The following NPY2R variants were observed in gnomAD, a reference collection of about 807,000 sequenced individuals.
The protein encoded by NPY2R is neuropeptide Y receptor type 2.
A neutral mutation model predicts 22.3 loss-of-function variants in NPY2R; 17 were observed. The ratio of observed to expected loss-of-function variants is 0.76; its 90% CI spans 0.52 to 1.14. The LOEUF is 1.14. Ranked by LOEUF, NPY2R falls within the 50% of genes most tolerant of loss-of-function variation. The probability of loss-of-function intolerance (pLI) is 0.00; values close to 1 mark genes in which losing one functional copy is unlikely to be tolerated. For missense variants in NPY2R, 424 were observed against 467.9 expected, an observed-to-expected ratio of 0.91 and a Z score of 0.87; for synonymous variants, 209 against 183.4, an observed-to-expected ratio of 1.14 and a Z score of -1.13.
rs761089632 is a variant in NPY2R, at chr4:155,214,843, G to C, written c.904G>C (p.Glu302Gln). Residue 302 changes from glutamate (E) to glutamine (Q), a missense_variant, in exon 2 of 2, where the codon GAG becomes CAG. By Grantham distance (29) the Glu-to-Gln change is conservative (BLOSUM62 2). Coordinates refer to ENST00000329476, the MANE Select transcript of NPY2R (RefSeq NM_000910.4). ...DIDSQVLDLK[E>Q]YKLIFTVFHI... ...TGACAGCCAGGTCCTGGACCTGAAG[G>C]AGTACAAACTCATCTTCACAGTGTT... is the stretch of plus-strand genomic sequence containing the variant. 37 of 1,609,908 alleles carry C rather than the reference G, an allele frequency of 2.3e-5. No homozygotes were observed. The highest frequency in any genetic ancestry group is 3.1e-5 in the Non-Finnish European group (37 of 1,177,468).
the NPY2R span, among the ~76,000 whole-genome samples, chr4:155,201,248 T>C: frequency 2.0e-5 from 3 of 152,102 alleles, no homozygotes; most frequent in South Asian, 2.1e-4. Context: ...AGAGATGTTC[T>C]GGGCCTTGAG....
chr4:155,197,004 T>C, the NPY2R span, among the ~76,000 whole-genome samples: 4 of 151,980 alleles, frequency 2.6e-5, no homozygotes, highest in African/African-American at 9.7e-5. Context: ...AAAGAAATTT[T>C]ACATAATATA....
chr4:155,194,038 G>T, the NPY2R span, among the ~76,000 whole-genome samples: 77 of 152,006 alleles, frequency 5.1e-4, 1 homozygote, highest in East Asian at 0.014. Flanking sequence ...TGCTTAGCAT[G>T]TTAATGGACT....
the NPY2R span, among the ~76,000 whole-genome samples, chr4:155,176,628 T>A: frequency 6.6e-6 from 1 of 152,152 alleles, no homozygotes; most frequent in African/African-American, 2.4e-5. Context: ...CCACAGATCT[T>A]TAACATTTAC....
chr4:155,197,615 A>G, the NPY2R span, among the ~76,000 whole-genome samples: 1 of 152,004 alleles, frequency 6.6e-6, no homozygotes, highest in Non-Finnish European at 1.5e-5. Context: ...AACCCTCTCT[A>G]TAAGTGAAAA....
the NPY2R span, among the ~76,000 whole-genome samples, chr4:155,177,456 C>T: frequency 1.3e-5 from 2 of 152,002 alleles, no homozygotes; most frequent in Non-Finnish European, 2.9e-5. Context: ...TCTTTGACTC[C>T]ATGTCGAACC....
At chr4:155,203,263 T>A in the NPY2R span, among the ~76,000 whole-genome samples, 1 of 152,172 alleles carries the variant, frequency 6.6e-6, no homozygotes. Flanking sequence ...CTTGCTTTTC[T>A]TGAATAAGAC....
At chr4:155,211,293 A>G (rs1261769047) in intron 1 of NPY2R, among the ~76,000 whole-genome samples, 1 of 152,204 alleles carries the variant, frequency 6.6e-6, no homozygotes, top group Non-Finnish European at 1.5e-5. Context: ...AACAGTCACA[A>G]CGTGGCATGT....
chr4:155,209,591 G>T (rs1000805817), intron 1 of NPY2R, among the ~76,000 whole-genome samples: 32 of 152,134 alleles, frequency 2.1e-4, no homozygotes, highest in African/African-American at 5.6e-4. Context: ...CCAAAGAAAG[G>T]CTTCCCACAC....
At chr4:155,177,153 C>A in the NPY2R span, among the ~76,000 whole-genome samples, 1 of 152,196 alleles carries the variant, frequency 6.6e-6, no homozygotes, top group Admixed American at 6.5e-5. Context: ...AATGTTAATT[C>A]ATTCCATCTT....
intron 1 of NPY2R, among the ~76,000 whole-genome samples, chr4:155,211,354 C>T (rs1273162522): frequency 6.6e-6 from 1 of 152,102 alleles, no homozygotes; most frequent in Non-Finnish European, 1.5e-5. Context: ...AACTGAGAGG[C>T]TTCCCAGTTT....
At chr4:155,201,496 C>T in the NPY2R span, among the ~76,000 whole-genome samples, 5 of 152,172 alleles carry the variant, frequency 3.3e-5, no homozygotes, top group Middle Eastern at 6.8e-3. Flanking sequence ...AGAGATGAAC[C>T]GCCTAACTGG....
chr4:155,193,320 G>A, the NPY2R span, among the ~76,000 whole-genome samples: 1 of 151,904 alleles, frequency 6.6e-6, no homozygotes, highest in African/African-American at 2.4e-5. Flanking sequence ...AATGGCTAAT[G>A]GGTGGCATAA....
the NPY2R span, among the ~76,000 whole-genome samples, chr4:155,182,607 A>T: frequency 1.3e-5 from 2 of 152,122 alleles, no homozygotes; most frequent in Non-Finnish European, 2.9e-5. Context: ...ATCACAATGA[A>T]GTTCTCTTGG....
At chr4:155,177,633 A>C in the NPY2R span, among the ~76,000 whole-genome samples, 10 of 151,908 alleles carry the variant, frequency 6.6e-5, no homozygotes, top group Admixed American at 6.6e-5. Flanking sequence ...ATATTGCCCC[A>C]GTGGGGTGTC....
the NPY2R span, among the ~76,000 whole-genome samples, chr4:155,184,075 C>G: frequency 6.6e-6 from 1 of 152,174 alleles, no homozygotes; most frequent in East Asian, 1.9e-4. Context: ...TAATACCTCT[C>G]CTTTACTCTT....
chr4:155,180,685 T>C, the NPY2R span, among the ~76,000 whole-genome samples: 1 of 152,108 alleles, frequency 6.6e-6, no homozygotes, highest in African/African-American at 2.4e-5. Context: ...TTGATGACTA[T>C]TTTTTCTTTG....
chr4:155,182,840 TG>T, the NPY2R span, among the ~76,000 whole-genome samples: 1 of 152,112 alleles, frequency 6.6e-6, no homozygotes, highest in Non-Finnish European at 1.5e-5. Flanking sequence ...TCACCCAGGC[TG>T]GAGTGCAGTG....
the NPY2R span, among the ~76,000 whole-genome samples, chr4:155,193,411 G>A: frequency 6.6e-6 from 1 of 151,882 alleles, no homozygotes; most frequent in African/African-American, 2.4e-5. Flanking sequence ...TGTTAGATGT[G>A]TGAGCCATTA....
Sources: allele counts gnomAD v4.1 joint callset (sites outside exome capture counted in the v4.1 genomes callset), GRCh38; gene constraint gnomAD v4.1.1; transcripts MANE v1.5; gene names NCBI Gene and HGNC (gene_info 2026-07-23, HGNC 2026-07-21).